SLIT3: variants seen among roughly 807,000 people sequenced by gnomAD.
SLIT3 encodes the protein slit homolog 3 protein.
A neutral mutation model predicts 184.0 loss-of-function variants in SLIT3; 68 were observed. That is an observed-to-expected ratio of 0.37 (90% CI 0.30 to 0.45). The LOEUF (loss-of-function observed/expected upper bound fraction) is 0.45, where lower values mean the gene tolerates loss of function less well. Among genes scored for constraint, SLIT3 ranks in the 20% least tolerant of loss-of-function variants. The pLI is 1.00. For missense variants in SLIT3, 1,707 were observed against 2,026.0 expected, an observed-to-expected ratio of 0.84 and a Z score of 3.02; for synonymous variants, 831 against 828.6, an observed-to-expected ratio of 1.00 and a Z score of -0.05.
At chr5:169,020,403 T>C (rs1184258372) in intron 4 of SLIT3, among the ~76,000 whole-genome samples, 1 of 152,164 alleles carries the variant, frequency 6.6e-6, no homozygotes, top group African/African-American at 2.4e-5. Flanking sequence ...AAACCTAGCA[T>C]TGAACCTACT....
chr5:168,688,761 T>C (rs550088123), intron 29 of SLIT3, among the ~76,000 whole-genome samples: 12 of 152,376 alleles, frequency 7.9e-5, no homozygotes, highest in Admixed American at 2.0e-4. Flanking sequence ...TTGAGGGGCA[T>C]GTGCTCAATA....
Position 168,762,536 on chromosome 5 carries a change from T to C in SLIT3, c.1610+3A>G, listed in dbSNP as rs1370439848. 6.2e-7 allele frequency: 1 copy of C among 1,611,774 alleles called. No homozygotes were observed. The highest frequency in any genetic ancestry group is 1.3e-5 in the African/African-American group (1 of 74,858). On this transcript the variant is annotated splice_donor_region_variant and intron_variant, in intron 15 of 35. Transcript: ENST00000519560. Reference sequence around the variant, plus strand: ...AGGGAGTTCACGCCGAGGTTGGACTTACAGGTCGGTGACATATTCAGGGAG... The same window carrying C: ...AGGGAGTTCACGCCGAGGTTGGACTCACAGGTCGGTGACATATTCAGGGAG...
chr5:169,154,278 A>C (rs1469936361), intron 4 of SLIT3, among the ~76,000 whole-genome samples: 3 of 152,152 alleles, frequency 2.0e-5, no homozygotes, highest in African/African-American at 7.2e-5. Context: ...CAGCCTTTTC[A>C]GAGCTCTGGG....
chr5:169,244,735 G>C lies in SLIT3; in HGVS notation c.311C>G (p.Ala104Gly), dbSNP rs754007476. The C allele has an allele frequency of 6.2e-7, 1 of 1,613,838 alleles. No homozygotes were observed. ...DNQVSVIERGAFQDLKQLERL... is the reference protein window; with the variant it reads ...DNQVSVIERGGFQDLKQLERL... Reference sequence around the variant, plus strand: ...CTCTAGCTGCTTCAGGTCCTGGAAGGCGCCTCTCTCGATGACGCTGACCTG... The same window carrying C: ...CTCTAGCTGCTTCAGGTCCTGGAAGCCGCCTCTCTCGATGACGCTGACCTG... The change falls in exon 3 of 36, where the codon GCC becomes GGC. Residue 104 changes from alanine to glycine, a missense_variant. Ala to Gly is a moderately conservative substitution (Grantham distance 60). Around this residue, in one of 3 missense-constraint regions of SLIT3, gnomAD observed 1,307 missense variants for 1,511.6 expected, o/e 0.86. Transcript: ENST00000519560.
intron 4 of SLIT3, among the ~76,000 whole-genome samples, chr5:169,066,825 A>AC (rs1408060758): frequency 6.6e-6 from 1 of 152,188 alleles, no homozygotes; most frequent in African/African-American, 2.4e-5. Flanking sequence ...AAGTTATGGT[A>AC]CATTTATATA....
In SLIT3 at chr5:168,704,328, T is replaced by A. The variant is rs374824779; in HGVS notation, c.2844+3648A>T. On this transcript the variant is annotated intron_variant, in intron 26 of 35. Coordinates refer to ENST00000519560, the MANE Select transcript of SLIT3 (RefSeq NM_003062.4). ...AAATACTGACCCTTTGTGAAGTATC[T>A]ACTGAATCCTGGCACTGAGGTAGGC... Among the ~76,000 whole-genome samples, 220 of 138,888 alleles carry A rather than the reference T, an allele frequency of 1.6e-3. 29 individuals are homozygous for A. Among genetic ancestry groups the A allele is most frequent in the African/African-American group, 7.0e-3 (203 of 28,868 alleles). The allele number at this position is 138,888 out of a possible 152,430, so 91.1% of individuals were successfully genotyped here. A position where few individuals can be genotyped will look rare whatever the true frequency, so the allele number is the denominator to read the frequency against.
At chr5:168,902,259 C>T (rs1170749337) in intron 4 of SLIT3, among the ~76,000 whole-genome samples, 1 of 152,184 alleles carries the variant, frequency 6.6e-6, no homozygotes, top group Non-Finnish European at 1.5e-5. Flanking sequence ...ATTTGTTAAA[C>T]ACCGTATGCC....
At position 168,779,622 on chromosome 5, in the gene SLIT3, G is replaced by T. The variant is rs373285756; in HGVS notation, c.1152-5244C>A. Among the ~76,000 whole-genome samples, 8 of 152,312 alleles carry T rather than the reference G, an allele frequency of 5.3e-5. No homozygotes were observed. In the South Asian group the frequency reaches 1.5e-3, roughly 28 times the overall value. ...TGCTGAGAGCTCTTGCTTTCTGGGAGCTGTGGCCTTCAGGAAAACCAAAGC... is the reference window on the plus strand; with the variant it reads ...TGCTGAGAGCTCTTGCTTTCTGGGATCTGTGGCCTTCAGGAAAACCAAAGC... On this transcript the variant is annotated intron_variant, in intron 12 of 35. Transcript: ENST00000519560.
At chr5:169,133,424 G>C (rs1263578462) in intron 4 of SLIT3, among the ~76,000 whole-genome samples, 1 of 152,200 alleles carries the variant, frequency 6.6e-6, no homozygotes, top group Admixed American at 6.5e-5. Flanking sequence ...GTTGAGCTGT[G>C]TCATCTATGC....
chr5:168,702,840 G>A (rs1762257778), intron 26 of SLIT3, among the ~76,000 whole-genome samples: 1 of 152,122 alleles, frequency 6.6e-6, no homozygotes, highest in Non-Finnish European at 1.5e-5. Context: ...GACCGTGAAG[G>A]GCAGGACAAA....
At chr5:168,826,522 G>A (rs982662342) in intron 6 of SLIT3, among the ~76,000 whole-genome samples, 3 of 152,210 alleles carry the variant, frequency 2.0e-5, no homozygotes, top group Admixed American at 1.3e-4. Flanking sequence ...GAGAGGTGGT[G>A]AGCATGGACC....
chr5:169,040,925 A>G (rs1263075855), intron 4 of SLIT3, among the ~76,000 whole-genome samples: 1 of 152,222 alleles, frequency 6.6e-6, no homozygotes, highest in African/African-American at 2.4e-5. Flanking sequence ...ATGATGATTG[A>G]TGCATTAATG....
intron 3 of SLIT3, among the ~76,000 whole-genome samples, chr5:169,225,460 T>G (rs1161268269): frequency 6.6e-6 from 1 of 152,204 alleles, no homozygotes; most frequent in Non-Finnish European, 1.5e-5. Flanking sequence ...CATCACCAAG[T>G]GTGGGTTCCG....
intron 4 of SLIT3, among the ~76,000 whole-genome samples, chr5:169,087,270 G>C (rs925614406): frequency 1.3e-5 from 2 of 152,222 alleles, no homozygotes; most frequent in African/African-American, 4.8e-5. Flanking sequence ...GGTGGTGAGA[G>C]GGGTAGAGGA....
chr5:168,957,158 G>A (rs1215381121), intron 4 of SLIT3, among the ~76,000 whole-genome samples: 1 of 151,386 alleles, frequency 6.6e-6, no homozygotes, highest in South Asian at 2.1e-4. Flanking sequence ...GAACCTGGGA[G>A]GCAGAGGTTG....
chr5:169,251,601 C>T (rs531530511), intron 1 of SLIT3, 142 bp from the exon 2 acceptor site: 20 of 651,604 alleles, frequency 3.1e-5, no homozygotes, highest in Middle Eastern at 2.5e-4. Flanking sequence ...TGAGCGTGCC[C>T]GGCTAACCTT....
intron 4 of SLIT3, among the ~76,000 whole-genome samples, chr5:168,965,672 A>G (rs1763160468): frequency 6.6e-6 from 1 of 152,192 alleles, no homozygotes; most frequent in Admixed American, 6.5e-5. Context: ...ACCTACCCTA[A>G]GTACAGACAG....
At chr5:169,162,302 G>A (rs932594953) in intron 4 of SLIT3, among the ~76,000 whole-genome samples, 2 of 152,198 alleles carry the variant, frequency 1.3e-5, no homozygotes, top group East Asian at 1.9e-4. Context: ...TAGGTTCAGC[G>A]ATTTGTTTTA....
chr5:168,984,580 A>C (rs1334613940), intron 4 of SLIT3, among the ~76,000 whole-genome samples: 1 of 152,176 alleles, frequency 6.6e-6, no homozygotes, highest in African/African-American at 2.4e-5. Context: ...TATCAAGGTG[A>C]GGCTGCATGG....
Sources: gnomAD v4.1 joint callset for allele counts (sites outside exome capture counted in the v4.1 genomes callset) on GRCh38, gnomAD v4.1.1 for gene constraint, gnomAD v4.1.1 regional missense constraint, MANE v1.5 for transcripts, NCBI Gene and HGNC (gene_info 2026-07-23, HGNC 2026-07-21) for gene names.